RPAP1: variants seen among roughly 807,000 people sequenced by gnomAD.
The protein encoded by RPAP1 is RNA polymerase II-associated protein 1.
In RPAP1, 109 loss-of-function variants were observed where a neutral mutation model predicts 142.4. That is an observed-to-expected ratio of 0.77 (90% CI 0.66 to 0.90). RPAP1 has a LOEUF of 0.90. Among genes scored for constraint, RPAP1 ranks in the 40% least tolerant of loss-of-function variants. The pLI, the probability that RPAP1 is intolerant of heterozygous loss-of-function variation, is 0.00. For missense variants in RPAP1, 1,546 were observed against 1,751.7 expected, an observed-to-expected ratio of 0.88 and a Z score of 2.10; for synonymous variants, 704 against 738.9, an observed-to-expected ratio of 0.95 and a Z score of 0.77.
chr15:41,522,403 T>G (rs1415756244), intron 19 of RPAP1, 153 bp from the exon 20 acceptor site: 1 of 737,180 alleles, frequency 1.4e-6, no homozygotes, highest in African/African-American at 1.8e-5. Context: ...TTTTTGGTTT[T>G]TTTTGAGATG....
At chr15:41,530,947 C>T in intron 7 of RPAP1, 76 bp downstream of exon 7, 1 of 1,405,264 alleles carries the variant, frequency 7.1e-7, no homozygotes, top group Admixed American at 2.1e-5. Flanking sequence ...TCTCTTCTCT[C>T]ATTTGCCAGG....
chr15:41,524,873 C>T (rs2051773241), intron 15 of RPAP1, 118 bp downstream of exon 15: 5 of 1,040,478 alleles, frequency 4.8e-6, no homozygotes, highest in Non-Finnish European at 6.9e-6. Context: ...GAAGCCCTCC[C>T]ACTCATTCTT....
chr15:41,529,110 G>A (rs1388173292), intron 9 of RPAP1, among the ~76,000 whole-genome samples: 1 of 152,170 alleles, frequency 6.6e-6, no homozygotes, highest in Non-Finnish European at 1.5e-5. Context: ...GCCGAGGCAG[G>A]CGGATCACAA....
chr15:41,525,475 A>ACT (rs2051782038), intron 14 of RPAP1, among the ~76,000 whole-genome samples: 2 of 151,614 alleles, frequency 1.3e-5, no homozygotes, highest in South Asian at 4.2e-4. Flanking sequence ...AGTAGCTGGG[A>ACT]CTACAGGCAT....
chr15:41,522,689 C>CAAA, intron 19 of RPAP1, 76 bp downstream of exon 19: 1 of 867,374 alleles, frequency 1.2e-6, no homozygotes. Flanking sequence ...CGCGCCCATC[C>CAAA]CACCCTCCCA....
At chr15:41,523,742 C>CT (rs1260282127) in intron 17 of RPAP1, 29 bp downstream of exon 17, 1 of 1,562,316 alleles carries the variant, frequency 6.4e-7, no homozygotes, top group Admixed American at 1.9e-5. Flanking sequence ...GTGCGGGGGC[C>CT]TGGTGGACAG....
At position 41,536,058 on chromosome 15, in the gene RPAP1, G is replaced by A. The variant is rs2051902971; in HGVS notation, c.420+71C>T. On this transcript the variant is annotated intron_variant, in intron 4 of 24. Transcript: ENST00000304330. Reference sequence around the variant, plus strand: ...TTGCTTATCATCATTAAAACTACCTGCCTGGAGAAGATGCACTATGAGACT... The same window carrying A: ...TTGCTTATCATCATTAAAACTACCTACCTGGAGAAGATGCACTATGAGACT... The A allele has an allele frequency of 5.3e-6, 6 of 1,131,756 alleles. No homozygotes were observed. In the Admixed American group the frequency reaches 1.2e-4, roughly 22 times the overall value. The allele number at this position is 1,131,756 out of a possible 1,614,324, so 70.1% of individuals were successfully genotyped here. A position where few individuals can be genotyped will look rare whatever the true frequency, so the allele number is the denominator to read the frequency against.
At chr15:41,525,949 C>T (rs550823201) in intron 14 of RPAP1, among the ~76,000 whole-genome samples, 26 of 150,948 alleles carry the variant, frequency 1.7e-4, no homozygotes, top group African/African-American at 4.1e-4. Context: ...CCACCGCGCC[C>T]GGCCCTATTA....
chr15:41,531,232 T>A, intron 6 of RPAP1, 30 bp from the exon 7 acceptor site: 2 of 1,589,558 alleles, frequency 1.3e-6, no homozygotes, highest in Non-Finnish European at 1.7e-6. Context: ...GGAGAGTGAG[T>A]GAGGGTAGAT....
intron 1 of RPAP1, among the ~76,000 whole-genome samples, chr15:41,538,458 C>G (rs1284599787): frequency 6.6e-6 from 1 of 152,102 alleles, no homozygotes; most frequent in Non-Finnish European, 1.5e-5. Flanking sequence ...AATGTATGCA[C>G]TTCTCTGTCT....
chr15:41,524,917 C>A, intron 15 of RPAP1, 74 bp downstream of exon 15: 1 of 1,492,072 alleles, frequency 6.7e-7, no homozygotes, highest in Non-Finnish European at 9.2e-7. Context: ...TTGAGCAAGG[C>A]TGAGGTGTTT....
intron 14 of RPAP1, among the ~76,000 whole-genome samples, chr15:41,525,798 G>A (rs2140767632): frequency 6.6e-6 from 1 of 152,170 alleles, no homozygotes; most frequent in East Asian, 1.9e-4. Context: ...GGGATTACAG[G>A]CGCATGCCAC....
rs758449476 is a variant in RPAP1, at chr15:41,537,006, AC to A, written c.119del (p.Gly40ValfsTer18). ...GAGGCCGGTCTGAGTTGGCATCACCACCGCCCCTATTTCCTTTCTTCACCAA... is the reference window on the plus strand; with the variant it reads ...GAGGCCGGTCTGAGTTGGCATCACCACGCCCCTATTTCCTTTCTTCACCAA... Reference protein sequence around the residue: ...VQLVKKGNRGGGDANSDRPPL... With the variant: ...VQLVKKGNRGXGDANSDRPPL... On this transcript the variant is annotated frameshift_variant, in exon 2 of 25. Transcript: ENST00000304330. LOFTEE classifies it high-confidence loss of function. The A allele has an allele frequency of 6.2e-7, 1 of 1,613,734 alleles. No individual in the cohort carries two copies. Among genetic ancestry groups the A allele is most frequent in the Non-Finnish European group, 8.5e-7 (1 of 1,179,990 alleles).
intron 20 of RPAP1, 107 bp from the exon 21 acceptor site, chr15:41,521,987 T>C (rs2051730469): frequency 2.6e-6 from 4 of 1,552,036 alleles, no homozygotes; most frequent in Non-Finnish European, 3.5e-6. Context: ...GTCCAGGGCA[T>C]GTCTGGAGGA....
At position 41,531,033 on chromosome 15, in the gene RPAP1, T is replaced by C. The variant is rs1486204324; in HGVS notation, c.933A>G (p.Pro311=). Reference sequence around the variant, plus strand: ...CCGCCTCCTGCAAACCTGGGGCTTCTGGCTCCAGCTTGTCTCTCTTCCTGG... The same window carrying C: ...CCGCCTCCTGCAAACCTGGGGCTTCCGGCTCCAGCTTGTCTCTCTTCCTGG... ...SEPRKRDKLE[P]EAPALALPVT... is the part of the protein sequence containing the mutation. The change falls in exon 7 of 25, where the codon CCA becomes CCG. Residue 311 remains proline, a synonymous_variant. Coordinates refer to ENST00000304330, the MANE Select transcript of RPAP1 (RefSeq NM_015540.4). 1 of 1,610,588 alleles carries C rather than the reference T, an allele frequency of 6.2e-7. No individual in the cohort carries two copies. Among genetic ancestry groups the C allele is most frequent in the Non-Finnish European group, 8.5e-7 (1 of 1,177,066 alleles).
chr15:41,527,506 A>G lies in RPAP1; in HGVS notation c.1528T>C (p.Cys510Arg). 2 of 1,614,126 alleles carry G rather than the reference A, an allele frequency of 1.2e-6. No individual in the cohort carries two copies. The highest frequency in any genetic ancestry group is 1.7e-6 in the Non-Finnish European group (2 of 1,180,016). ...DKEDEDEDEECPAGKAKRKSP... is the reference protein window; with the variant it reads ...DKEDEDEDEERPAGKAKRKSP... The stretch of plus-strand genomic sequence containing the variant: ...TTCCTTTTTGCTTTTCCTGCTGGGC[A>G]TTCTTCATCCTCGTCCTCATCCTCC... Residue 510 changes from cysteine to arginine, a missense_variant, in exon 12 of 25, where the codon TGC becomes CGC. By Grantham distance (180) the Cys-to-Arg change is radical (BLOSUM62 -3). Coordinates refer to ENST00000304330, the MANE Select transcript of RPAP1 (RefSeq NM_015540.4).
chr15:41,537,666 G>A (rs1040303982), intron 1 of RPAP1, among the ~76,000 whole-genome samples: 13 of 152,138 alleles, frequency 8.5e-5, no homozygotes, highest in African/African-American at 3.1e-4. Flanking sequence ...TGGGTCACCT[G>A]AGGCCAGGAG....
intron 1 of RPAP1, among the ~76,000 whole-genome samples, chr15:41,539,829 A>G (rs537675364): frequency 6.6e-6 from 1 of 152,016 alleles, no homozygotes; most frequent in South Asian, 2.1e-4. Flanking sequence ...CGAGGTCAGG[A>G]GTTCAAACCA....
intron 6 of RPAP1, 26 bp downstream of exon 6, chr15:41,534,688 T>G: frequency 6.5e-7 from 1 of 1,547,530 alleles, no homozygotes. Context: ...TAGCCTGGTC[T>G]CAGCAGGAAA....
Sources: allele counts gnomAD v4.1 joint callset (sites outside exome capture counted in the v4.1 genomes callset), GRCh38; gene constraint gnomAD v4.1.1; transcripts MANE v1.5; gene names NCBI Gene and HGNC (gene_info 2026-07-23, HGNC 2026-07-21).